Variants in KDM6A observed in about 807,000 individuals in gnomAD.
KDM6A encodes the protein lysine demethylase 6A.
In KDM6A, 11 loss-of-function variants were observed where a neutral mutation model predicts 117.6. That is an observed-to-expected ratio of 0.09 (90% confidence interval 0.06 to 0.15). KDM6A has a LOEUF of 0.15. Among genes scored for constraint, KDM6A ranks in the 10% least tolerant of loss-of-function variants. The pLI is 1.00. For synonymous variants in KDM6A, 384 were observed against 396.1 expected (o/e 0.97, Z 0.36); for missense variants, 799 against 1,077.3 (o/e 0.74, Z 3.62).
At chrX:45,040,370 C>T (rs1232778832) in intron 8 of KDM6A, among the ~76,000 whole-genome samples, 2 of 92,501 alleles carry the variant, frequency 2.2e-5, no homozygotes, top group African/African-American at 8.1e-5. Context: ...CCTCACCTCC[C>T]GGACAGGGCG....
intron 2 of KDM6A, among the ~76,000 whole-genome samples, chrX:44,909,509 A>G (rs1437742073): frequency 9.0e-6 from 1 of 110,792 alleles, no homozygotes; most frequent in Admixed American, 9.7e-5. Flanking sequence ...TATTTTGATC[A>G]TGTCTTCTAT....
At chrX:44,934,964 AG>A (rs2036883592) in intron 2 of KDM6A, among the ~76,000 whole-genome samples, 2 of 111,816 alleles carry the variant, frequency 1.8e-5, no homozygotes, top group African/African-American at 6.5e-5. Flanking sequence ...GGATTTTGTA[AG>A]GGTGTTCGGT....
chrX:45,045,135 G>A (rs1310546630), intron 8 of KDM6A, among the ~76,000 whole-genome samples: 1 of 111,657 alleles, frequency 9.0e-6, no homozygotes, highest in Admixed American at 9.5e-5. Context: ...AAGTAAATTT[G>A]TATTGTTGTG....
chrX:45,037,636 C>A lies in KDM6A; in HGVS notation c.620-19C>A, dbSNP rs1416292949. ...GCTGTATTGTTACTGATTTTTTTGT[C>A]TTTCCTCATCCTTTGCAGTTCAATT... is the stretch of plus-strand genomic sequence containing the variant. On this transcript the variant is annotated intron_variant, in intron 7 of 29. Coordinates refer to ENST00000611820, the MANE Select transcript of KDM6A (RefSeq NM_001291415.2). 3 of 1,195,771 alleles carry A rather than the reference C, an allele frequency of 2.5e-6. No homozygotes were observed. The highest frequency in any genetic ancestry group is 3.4e-6 in the Non-Finnish European group (3 of 882,130).
intron 2 of KDM6A, among the ~76,000 whole-genome samples, chrX:44,942,802 G>A (rs1367395177): frequency 9.1e-6 from 1 of 110,421 alleles, no homozygotes; most frequent in Non-Finnish European, 1.9e-5. Context: ...AGGTGTTACT[G>A]TAAATGTTTT....
At chrX:44,884,258 G>A (rs2032623412) in intron 2 of KDM6A, among the ~76,000 whole-genome samples, 2 of 110,813 alleles carry the variant, frequency 1.8e-5, no homozygotes, top group Admixed American at 9.8e-5. Flanking sequence ...ACTATAGGCC[G>A]TAGGATGTTT....
chrX:45,106,694 T>C (rs1232082951), intron 27 of KDM6A: 1 of 333,054 alleles, frequency 3.0e-6, no homozygotes. Flanking sequence ...CAGAAAATTA[T>C]AGGAGAATCA....
intron 5 of KDM6A, 95 bp from the exon 6 acceptor site, chrX:45,020,515 C>A (rs2147662054): frequency 1.1e-6 from 1 of 911,452 alleles, no homozygotes; most frequent in Non-Finnish European, 1.6e-6. Context: ...TCCTTTAAAA[C>A]AATATTGCAT....
At chrX:44,967,546 A>G (rs1359946955) in intron 3 of KDM6A, among the ~76,000 whole-genome samples, 1 of 111,651 alleles carries the variant, frequency 9.0e-6, no homozygotes, top group African/African-American at 3.3e-5. Flanking sequence ...ATTCATAGTC[A>G]TCTTTTCTGT....
At chrX:44,910,647 C>T (rs1014778321) in intron 2 of KDM6A, among the ~76,000 whole-genome samples, 1 of 108,983 alleles carries the variant, frequency 9.2e-6, no homozygotes, top group Non-Finnish European at 1.9e-5. Context: ...GACCCTGGGG[C>T]CTTCCACAGT....
At chrX:45,025,264 A>G (rs1030213186) in intron 6 of KDM6A, among the ~76,000 whole-genome samples, 3 of 111,233 alleles carry the variant, frequency 2.7e-5, no homozygotes, top group Non-Finnish European at 5.7e-5. Flanking sequence ...CCAGTTTCGA[A>G]CAATTCTCCT....
At chrX:45,006,246 A>C (rs2041480445) in intron 4 of KDM6A, among the ~76,000 whole-genome samples, 1 of 98,138 alleles carries the variant, frequency 1.0e-5, no homozygotes, top group Non-Finnish European at 2.0e-5. Flanking sequence ...TGAGGTGACC[A>C]CAAGGGGCAG....
intron 4 of KDM6A, among the ~76,000 whole-genome samples, chrX:44,983,407 C>CTTAT (rs760478964): frequency 1.4e-3 from 159 of 111,255 alleles, no homozygotes; most frequent in East Asian, 3.6e-3. Flanking sequence ...CCTGCTCTCC[C>CTTAT]TTATTTATTT....
intron 27 of KDM6A, among the ~76,000 whole-genome samples, chrX:45,097,640 G>C (rs2046167525): frequency 9.0e-6 from 1 of 111,469 alleles, no homozygotes; most frequent in Non-Finnish European, 1.9e-5. Context: ...ATGGGAAATG[G>C]TGTTTTCTTC....
intron 8 of KDM6A, among the ~76,000 whole-genome samples, chrX:45,041,890 C>T (rs1254765799): frequency 2.7e-5 from 3 of 110,603 alleles, no homozygotes; most frequent in East Asian, 2.9e-4. Context: ...CTTTGGGGGG[C>T]CAAGGCAGGC....
At chrX:45,024,309 G>T (rs953396678) in intron 6 of KDM6A, among the ~76,000 whole-genome samples, 2 of 111,572 alleles carry the variant, frequency 1.8e-5, no homozygotes, top group African/African-American at 6.5e-5. Flanking sequence ...GTTATTTTTT[G>T]ATTTTTAAAT....
intron 10 of KDM6A, among the ~76,000 whole-genome samples, chrX:45,058,650 G>A (rs183986716): frequency 2.6e-3 from 283 of 110,503 alleles, no homozygotes; most frequent in Middle Eastern, 9.4e-3. Context: ...GGAAACTAGA[G>A]GTCAAGCTGT....
intron 2 of KDM6A, among the ~76,000 whole-genome samples, chrX:44,933,646 C>T (rs967669415): frequency 9.0e-6 from 1 of 110,598 alleles, no homozygotes; most frequent in African/African-American, 3.3e-5. Context: ...GATGCAATCT[C>T]GGCTCACTGC....
intron 4 of KDM6A, among the ~76,000 whole-genome samples, chrX:44,985,735 A>C (rs2147343390): frequency 8.9e-6 from 1 of 112,120 alleles, no homozygotes; most frequent in South Asian, 3.7e-4. Flanking sequence ...ATGTTGAACC[A>C]GCCTTGCATC....
Sources: allele counts gnomAD v4.1 joint callset (sites outside exome capture counted in the v4.1 genomes callset), GRCh38; gene constraint gnomAD v4.1.1; transcripts MANE v1.5; gene names NCBI Gene and HGNC (gene_info 2026-07-23, HGNC 2026-07-21).